Variants in NTPCR observed in about 807,000 individuals in gnomAD.
NTPCR encodes nucleoside-triphosphatase, cancer-related.
Under a neutral mutation model 19.5 loss-of-function variants are expected in NTPCR, and 15 were observed. The ratio of observed to expected loss-of-function variants is 0.77; its 90% confidence interval spans 0.51 to 1.18. The LOEUF is 1.18. Ranked by LOEUF, NTPCR falls within the 50% of genes most tolerant of loss-of-function variation. The probability of loss-of-function intolerance (pLI) is 0.00; values close to 1 mark genes in which losing one functional copy is unlikely to be tolerated. For missense variants in NTPCR, 206 were observed against 240.4 expected, an observed-to-expected ratio of 0.86 and a Z score of 0.95; for synonymous variants, 90 against 95.8, an observed-to-expected ratio of 0.94 and a Z score of 0.36.
rs1434139519 is a variant in NTPCR at position 232,974,631 on chromosome 1, T to C, written c.505-3532T>C. Among the ~76,000 whole-genome samples, 16 of 152,230 alleles carry C rather than the reference T, an allele frequency of 1.1e-4. 1 individual carries two copies. The highest frequency in any genetic ancestry group is 1.0e-3 in the Admixed American group (16 of 15,282). On this transcript the variant is annotated intron_variant, in intron 4 of 4. Coordinates refer to ENST00000366628, the MANE Select transcript of NTPCR (RefSeq NM_032324.3). ...CTCCTATTACCTAGTAAAGCATCAG[T>C]AGAAGAAATTGGTGATGGAGTATTT...
chr1:232,951,061 A>G (rs1255324435), intron 1 of NTPCR: 6 of 335,214 alleles, frequency 1.8e-5, no homozygotes, highest in African/African-American at 8.6e-5. Context: ...GGTCTGCACA[A>G]ATGGTATTTC....
chr1:232,982,621 T>A lies in NTPCR; in HGVS notation c.*4390T>A, dbSNP rs1227348894. On this transcript the variant is annotated 3_prime_UTR_variant, in exon 5 of 5. Transcript: ENST00000366628. ...CCCAGGGTGCTCTTGCTCTCTTGCCTGCGCTGCCATTTCCTTCCAGCCTGG... is the reference window on the plus strand; with the variant it reads ...CCCAGGGTGCTCTTGCTCTCTTGCCAGCGCTGCCATTTCCTTCCAGCCTGG... 3 of 152,280 alleles carry A rather than the reference T, an allele frequency of 2.0e-5. No homozygotes were observed. Among genetic ancestry groups the A allele is most frequent in the African/African-American group, 7.2e-5 (3 of 41,466 alleles). 9.4% of individuals were successfully genotyped at this position (152,280 alleles called of 1,614,324 possible).
intron 3 of NTPCR, chr1:232,963,829 C>CTGTGTGTG (rs756296946): frequency 6.1e-5 from 7 of 115,560 alleles, no homozygotes; most frequent in African/African-American, 1.7e-4. Context: ...TGCTTATTCT[C>CTGTGTGTG]TCTCTCTGTG....
intron 3 of NTPCR, chr1:232,964,428 C>A (rs536630271): frequency 6.0e-4 from 91 of 152,294 alleles, no homozygotes; most frequent in African/African-American, 1.9e-3. Context: ...TTCTTTGACA[C>A]TAATGAGCAG....
chr1:232,978,769 A>G lies in NTPCR; in HGVS notation c.*538A>G, dbSNP rs1410879573. 1 of 152,406 alleles carries G rather than the reference A, an allele frequency of 6.6e-6. No individual in the cohort carries two copies. Among genetic ancestry groups the G allele is most frequent in the Admixed American group, 6.5e-5 (1 of 15,302 alleles). The allele number at this position is 152,406 out of a possible 1,614,324, so 9.4% of individuals were successfully genotyped here. A position where few individuals can be genotyped will look rare whatever the true frequency, so the allele number is the denominator to read the frequency against. ...AACTCTGTTTGCTTACTGCTTAATA[A>G]ATATAAAAATAAATCTGATGGTTAC... is the stretch of plus-strand genomic sequence containing the variant. On this transcript the variant is annotated 3_prime_UTR_variant, in exon 5 of 5. Coordinates refer to ENST00000366628, the MANE Select transcript of NTPCR (RefSeq NM_032324.3).
At chr1:232,961,443 T>C (rs985658460) in intron 3 of NTPCR, among the ~76,000 whole-genome samples, 8 of 152,274 alleles carry the variant, frequency 5.3e-5, no homozygotes, top group African/African-American at 1.9e-4. Context: ...TGCTTTGTTT[T>C]GATTTGCATT....
intron 3 of NTPCR, chr1:232,963,831 C>CTGTG (rs1179715656): frequency 1.0e-4 from 12 of 118,972 alleles, no homozygotes; most frequent in South Asian, 2.6e-4. Flanking sequence ...CTTATTCTCT[C>CTGTG]TCTCTGTGTG....
chr1:232,960,028 T>C (rs962014546), intron 3 of NTPCR, among the ~76,000 whole-genome samples: 3 of 151,632 alleles, frequency 2.0e-5, no homozygotes, highest in African/African-American at 7.3e-5. Flanking sequence ...CTGGCCAATA[T>C]GGTGAAACCC....
chr1:232,962,234 CT>C (rs1558129004), intron 3 of NTPCR: 1 of 152,024 alleles, frequency 6.6e-6, no homozygotes, highest in Non-Finnish European at 1.5e-5. Flanking sequence ...AGAATCAAGA[CT>C]TTACTATCCA....
rs958386624 is a variant in NTPCR, at chr1:232,982,674, G to T, written c.*4443G>T. On this transcript the variant is annotated 3_prime_UTR_variant, in exon 5 of 5. Coordinates refer to ENST00000366628, the MANE Select transcript of NTPCR (RefSeq NM_032324.3). ...TTCTAGCTCTTTGGGGAGATTCCCCGTTTTGTGGAATGCTTTCTGTGTTTC... is the reference window on the plus strand; with the variant it reads ...TTCTAGCTCTTTGGGGAGATTCCCCTTTTTGTGGAATGCTTTCTGTGTTTC... 1 of 152,252 alleles carries T rather than the reference G, an allele frequency of 6.6e-6. No homozygotes were observed. The highest frequency in any genetic ancestry group is 2.4e-5 in the African/African-American group (1 of 41,454). The allele number at this position is 152,252 out of a possible 1,614,324, so 9.4% of individuals were successfully genotyped here.
chr1:232,956,303 A>G (rs781544976), intron 2 of NTPCR, 44 bp from the exon 3 acceptor site: 21 of 1,401,466 alleles, frequency 1.5e-5, no homozygotes, highest in Admixed American at 5.1e-5. Context: ...CCAGAAATCA[A>G]TACAGGAGTT....
At chr1:232,975,624 C>A (rs1222435952) in intron 4 of NTPCR, among the ~76,000 whole-genome samples, 2 of 152,150 alleles carry the variant, frequency 1.3e-5, no homozygotes, top group Non-Finnish European at 2.9e-5. Context: ...TGAGATGTGG[C>A]CTCTGACCCC....
At chr1:232,972,693 T>C (rs1168939536) in intron 4 of NTPCR, among the ~76,000 whole-genome samples, 3 of 146,718 alleles carry the variant, frequency 2.0e-5, no homozygotes, top group Admixed American at 6.7e-5. Flanking sequence ...TCTCAAAGTG[T>C]TGGAATTATA....
intron 3 of NTPCR, chr1:232,965,899 T>G (rs1381807987): frequency 6.6e-6 from 1 of 152,302 alleles, no homozygotes; most frequent in African/African-American, 2.4e-5. Context: ...CTAGTCTGTC[T>G]GTGTGCCGGG....
At chr1:232,970,439 CT>C (rs1406137836) in intron 4 of NTPCR, among the ~76,000 whole-genome samples, 1 of 152,190 alleles carries the variant, frequency 6.6e-6, no homozygotes, top group Non-Finnish European at 1.5e-5. Flanking sequence ...CTTATCTCTT[CT>C]CAGATTGAAA....
rs183710694 is a variant in NTPCR, at chr1:232,953,480, C to T, written c.35-2077C>T. ...CTATTTATTGCTCTACTATGTTCTACACAACATACAGTCCCCACAGTATAC... is the reference window on the plus strand; with the variant it reads ...CTATTTATTGCTCTACTATGTTCTATACAACATACAGTCCCCACAGTATAC... On this transcript the variant is annotated intron_variant, in intron 1 of 4. Transcript: ENST00000366628. Among the ~76,000 whole-genome samples the T allele has an allele frequency of 1.5e-3, 228 of 152,314 alleles. 1 individual carries two copies. The highest frequency in any genetic ancestry group is 5.2e-3 in the African/African-American group (215 of 41,562).
chr1:232,952,198 G>T (rs1205711425), intron 1 of NTPCR, among the ~76,000 whole-genome samples: 1 of 152,080 alleles, frequency 6.6e-6, no homozygotes, highest in Non-Finnish European at 1.5e-5. Context: ...AGTAATCTAT[G>T]ATTTCTTTTC....
In NTPCR at chr1:232,978,892, G is replaced by T. The variant is rs1669219207; in HGVS notation, c.*661G>T. 1 of 152,152 alleles carries T rather than the reference G, an allele frequency of 6.6e-6. No homozygotes were observed. The highest frequency in any genetic ancestry group is 6.5e-5 in the Admixed American group (1 of 15,280). The allele number at this position is 152,152 out of a possible 1,614,324, so 9.4% of individuals were successfully genotyped here. A position where few individuals can be genotyped will look rare whatever the true frequency, so the allele number is the denominator to read the frequency against. ...AGATGACAAGAGCTCAGGCCCACGG[G>T]TTTGCATAAGAGCACTGCTTTGCCT... On this transcript the variant is annotated 3_prime_UTR_variant, in exon 5 of 5. Transcript: ENST00000366628.
In NTPCR at chr1:232,950,675, C is replaced by T; in HGVS notation, c.-36C>T. The T allele has an allele frequency of 1.3e-6, 2 of 1,587,780 alleles. No individual in the cohort carries two copies. The highest frequency in any genetic ancestry group is 1.7e-6 in the Non-Finnish European group (2 of 1,157,428). On this transcript the variant is annotated 5_prime_UTR_variant, in exon 1 of 5. Coordinates refer to ENST00000366628, the MANE Select transcript of NTPCR (RefSeq NM_032324.3). ...TGAATTGCGACCCCAACCTGGACTG[C>T]TCCCCTGACCGCAACCCCTACCCCC...
Sources: gnomAD v4.1 joint callset for allele counts (sites outside exome capture counted in the v4.1 genomes callset) on GRCh38, gnomAD v4.1.1 for gene constraint, MANE v1.5 for transcripts, NCBI Gene and HGNC (gene_info 2026-07-23, HGNC 2026-07-21) for gene names.